The following EXOC1L variants were observed in gnomAD, a reference collection of about 807,000 sequenced individuals.
EXOC1L encodes exocyst complex component 1 like.
In EXOC1L, 10 loss-of-function variants were observed where a neutral mutation model predicts 4.9. The ratio of observed to expected loss-of-function variants is 2.02; its 90% CI spans 1.25 to 3.43. The LOEUF (loss-of-function observed/expected upper bound fraction) is 3.43, where lower values mean the gene tolerates loss of function less well. Ranked by LOEUF, EXOC1L falls within the 30% of genes most tolerant of loss-of-function variation. The pLI is 0.00. For missense variants in EXOC1L, 114 were observed against 59.4 expected (o/e 1.92, Z -3.02); for synonymous variants, 41 against 20.8 (o/e 1.97, Z -2.63).
Position 55,837,099 on chromosome 4 carries a change from TGA to T in EXOC1L, c.268_269del (p.Asp90SerfsTer13), listed in dbSNP as rs1283045414. 2 of 699,604 alleles carry T rather than the reference TGA, an allele frequency of 2.9e-6. No individual in the cohort carries two copies. The highest frequency in any genetic ancestry group is 2.0e-5 in the Admixed American group (1 of 49,760). The allele number at this position is 699,604 out of a possible 1,614,324, so 43.3% of individuals were successfully genotyped here. On this transcript the variant is annotated frameshift_variant, in exon 3 of 3. Coordinates refer to ENST00000636125, the MANE Select transcript of EXOC1L (RefSeq NM_001351574.3). LOFTEE classifies it high-confidence loss of function. ...TTCTCTTCCAGGACAATCCATTTTTTGATCTGCACTTCAAGAAAGTGTACAGT... is the reference window on the plus strand; with the variant it reads ...TTCTCTTCCAGGACAATCCATTTTTTTCTGCACTTCAAGAAAGTGTACAGT... Reference protein sequence around the residue: ...KEADTDNPFFDLHFKKVYSLE... With the variant: ...KEADTDNPFFXLHFKKVYSLE...
At chr4:55,825,413 A>T (rs1022307983) in intron 1 of EXOC1L, among the ~76,000 whole-genome samples, 1 of 152,220 alleles carries the variant, frequency 6.6e-6, no homozygotes, top group African/African-American at 2.4e-5. Context: ...AGGCATGATA[A>T]AATTGAAGCA....
chr4:55,830,586 T>C (rs1720005031), intron 1 of EXOC1L, among the ~76,000 whole-genome samples: 1 of 151,772 alleles, frequency 6.6e-6, no homozygotes, highest in Non-Finnish European at 1.5e-5. Context: ...ATTCTTCTGA[T>C]GTGTGTATAT....
chr4:55,822,134 C>A (rs927860500), intron 1 of EXOC1L, among the ~76,000 whole-genome samples: 2 of 152,060 alleles, frequency 1.3e-5, no homozygotes, highest in African/African-American at 4.8e-5. Context: ...ACTTGCGAGT[C>A]CAGTGTAGTC....
intron 1 of EXOC1L, among the ~76,000 whole-genome samples, chr4:55,831,094 A>G (rs978033017): frequency 4.6e-5 from 7 of 152,310 alleles, no homozygotes; most frequent in African/African-American, 1.7e-4. Context: ...TCTATTTAAC[A>G]GACATTACTG....
intron 1 of EXOC1L, among the ~76,000 whole-genome samples, chr4:55,830,371 T>A (rs1423761323): frequency 6.6e-6 from 1 of 152,152 alleles, no homozygotes; most frequent in Non-Finnish European, 1.5e-5. Flanking sequence ...CTTTATAATA[T>A]GTTATTGTAT....
intron 1 of EXOC1L, among the ~76,000 whole-genome samples, chr4:55,827,542 T>TTAGGAATTTTTATCAATTTAATGA (rs1553920094): frequency 6.6e-6 from 1 of 152,198 alleles, no homozygotes; most frequent in Non-Finnish European, 1.5e-5. Flanking sequence ...CCTAACACAG[T>TTAGGAATTTTTATCAATTTAATGA]GCTTGGTACA....
chr4:55,829,977 T>C (rs1435124656), intron 1 of EXOC1L, among the ~76,000 whole-genome samples: 1 of 152,214 alleles, frequency 6.6e-6, no homozygotes, highest in East Asian at 1.9e-4. Flanking sequence ...TGATTCTACC[T>C]GGTGACGTTA....
intron 2 of EXOC1L, among the ~76,000 whole-genome samples, chr4:55,834,653 T>C (rs1011720857): frequency 6.6e-5 from 10 of 151,794 alleles, no homozygotes; most frequent in Non-Finnish European, 1.2e-4. Context: ...GGTGATGCAA[T>C]GGATGTGCTT....
At chr4:55,828,268 T>C (rs1719934605) in intron 1 of EXOC1L, among the ~76,000 whole-genome samples, 1 of 152,188 alleles carries the variant, frequency 6.6e-6, no homozygotes, top group Non-Finnish European at 1.5e-5. Context: ...CAAGTTGTCT[T>C]CTGCCCTCAG....
intron 1 of EXOC1L, among the ~76,000 whole-genome samples, chr4:55,822,680 T>C (rs1719778424): frequency 6.6e-6 from 1 of 152,204 alleles, no homozygotes; most frequent in East Asian, 1.9e-4. Flanking sequence ...AACCTGGTGC[T>C]GCTTTGCCAC....
At chr4:55,825,664 T>C (rs1394884198) in intron 1 of EXOC1L, among the ~76,000 whole-genome samples, 1 of 152,216 alleles carries the variant, frequency 6.6e-6, no homozygotes, top group Non-Finnish European at 1.5e-5. Flanking sequence ...TCTCCCGTTC[T>C]GTAAAAACAT....
intron 2 of EXOC1L, among the ~76,000 whole-genome samples, chr4:55,836,147 T>C (rs1050133845): frequency 6.6e-6 from 1 of 151,912 alleles, no homozygotes; most frequent in African/African-American, 2.4e-5. Flanking sequence ...TGTTACATAC[T>C]ACATGCTGGT....
intron 1 of EXOC1L, among the ~76,000 whole-genome samples, chr4:55,826,085 C>CAA (rs34455273): frequency 8.3e-4 from 65 of 78,562 alleles, no homozygotes; most frequent in South Asian, 2.4e-3. Context: ...AACTCCATCT[C>CAA]AAAAAAAAAA....
At chr4:55,825,554 T>G (rs113849877) in intron 1 of EXOC1L, among the ~76,000 whole-genome samples, 3 of 152,292 alleles carry the variant, frequency 2.0e-5, no homozygotes, top group Admixed American at 6.5e-5. Flanking sequence ...AATGCTAGAT[T>G]GGAGCTCATA....
At chr4:55,833,602 A>G (rs1255123342) in intron 2 of EXOC1L, among the ~76,000 whole-genome samples, 3 of 151,848 alleles carry the variant, frequency 2.0e-5, no homozygotes, top group Non-Finnish European at 4.4e-5. Flanking sequence ...ATTCCCACCA[A>G]TCTTTGACCC....
At chr4:55,836,327 C>T (rs192612790) in intron 2 of EXOC1L, among the ~76,000 whole-genome samples, 120 of 151,858 alleles carry the variant, frequency 7.9e-4, no homozygotes, top group African/African-American at 2.7e-3. Flanking sequence ...ATAAATAATG[C>T]GAAATATCTG....
chr4:55,820,277 A>G (rs1719705882), intron 1 of EXOC1L, 130 bp downstream of exon 1: 1 of 388,942 alleles, frequency 2.6e-6, no homozygotes, highest in African/African-American at 2.1e-5. Flanking sequence ...TAAGAACTTA[A>G]CTATGCCAGG....
chr4:55,827,015 T>A (rs2110282203), intron 1 of EXOC1L, among the ~76,000 whole-genome samples: 1 of 152,304 alleles, frequency 6.6e-6, no homozygotes, highest in Non-Finnish European at 1.5e-5. Flanking sequence ...TTATGGAAGA[T>A]CACAAAATAA....
In EXOC1L at chr4:55,822,983, G is replaced by A. The variant is rs200355049; in HGVS notation, c.121+2836G>A. Among the ~76,000 whole-genome samples the A allele has an allele frequency of 1.4e-4, 14 of 102,496 alleles. No individual in the cohort carries two copies. In the East Asian group the frequency reaches 4.2e-3, roughly 31 times the overall value. The allele number at this position is 102,496 out of a possible 152,430, so 67.2% of individuals were successfully genotyped here. A position where few individuals can be genotyped will look rare whatever the true frequency, so the allele number is the denominator to read the frequency against. On this transcript the variant is annotated intron_variant, in intron 1 of 2. Transcript: ENST00000636125. ...ATAGTAAAAACAAAATAGTAAACATGTGTGTATATTTAATATAAAATTAAA... is the reference window on the plus strand; with the variant it reads ...ATAGTAAAAACAAAATAGTAAACATATGTGTATATTTAATATAAAATTAAA...
Sources: gnomAD v4.1 joint callset for allele counts (sites outside exome capture counted in the v4.1 genomes callset) on GRCh38, gnomAD v4.1.1 for gene constraint, MANE v1.5 for transcripts, NCBI Gene and HGNC (gene_info 2026-07-23, HGNC 2026-07-21) for gene names.